PEX14: variants seen among roughly 807,000 people sequenced by gnomAD.
PEX14 encodes peroxisomal membrane protein PEX14.
A neutral mutation model predicts 49.5 loss-of-function variants in PEX14; 15 were observed. The observed-to-expected ratio is 0.30, with a 90% CI of 0.20 to 0.47. The LOEUF is 0.47. PEX14 is among the 20% of genes least tolerant of loss of function. The pLI is 1.00. For synonymous variants in PEX14, 210 were observed against 212.7 expected, an observed-to-expected ratio of 0.99 and a Z score of 0.11; for missense variants, 398 against 494.8, an observed-to-expected ratio of 0.80 and a Z score of 1.86.
chr1:10,571,152 C>T (rs984636627), intron 3 of PEX14, among the ~76,000 whole-genome samples: 24 of 151,554 alleles, frequency 1.6e-4, no homozygotes, highest in East Asian at 9.7e-4. Context: ...CCACTGTGCC[C>T]GGCCTTCAAC....
chr1:10,545,981 C>T (rs2124501054), intron 3 of PEX14, among the ~76,000 whole-genome samples: 1 of 152,052 alleles, frequency 6.6e-6, no homozygotes, highest in Admixed American at 6.5e-5. Context: ...GGAGTTTGAG[C>T]TTACAGGGAG....
In PEX14 at chr1:10,494,063, G is replaced by A. The variant is rs1641515877; in HGVS notation, c.37-1211G>A. Among the ~76,000 whole-genome samples, 2 of 152,154 alleles carry A rather than the reference G, an allele frequency of 1.3e-5. No homozygotes were observed. Among genetic ancestry groups the A allele is most frequent in the Non-Finnish European group, 2.9e-5 (2 of 68,018 alleles). ...GAAGCTTGCTCACATTCCCTGAGAC[G>A]GACCCTCACTTTCTAGATCGTTTCC... On this transcript the variant is annotated intron_variant, in intron 1 of 8. Coordinates refer to ENST00000356607, the MANE Select transcript of PEX14 (RefSeq NM_004565.3). This position sits in a 1 kb window ranked among gnomAD's most constrained non-coding sequence, Gnocchi z 4.3.
At chr1:10,569,365 G>A (rs577981981) in intron 3 of PEX14, among the ~76,000 whole-genome samples, 11 of 152,190 alleles carry the variant, frequency 7.2e-5, no homozygotes, top group Non-Finnish European at 1.0e-4. Context: ...AGCTCAAGCT[G>A]TAAAATTCCC....
intron 1 of PEX14, among the ~76,000 whole-genome samples, chr1:10,489,409 T>A (rs569573302): frequency 3.3e-5 from 5 of 152,232 alleles, no homozygotes; most frequent in Non-Finnish European, 5.9e-5. Context: ...TTTACTGTTA[T>A]CATTTTGAGT....
At chr1:10,565,119 G>C (rs1240851620) in intron 3 of PEX14, among the ~76,000 whole-genome samples, 2 of 152,120 alleles carry the variant, frequency 1.3e-5, no homozygotes, top group Non-Finnish European at 2.9e-5. Context: ...GGCCAGGCTG[G>C]TCTCGAACTC....
chr1:10,587,259 C>T (rs1042475611), intron 3 of PEX14, among the ~76,000 whole-genome samples: 6 of 151,962 alleles, frequency 3.9e-5, no homozygotes, highest in Non-Finnish European at 5.9e-5. Flanking sequence ...GAGTTTGAGA[C>T]CAGCCTGGCC....
At chr1:10,537,341 A>ACCAC (rs796854134) in intron 3 of PEX14, among the ~76,000 whole-genome samples, 473 of 28,434 alleles carry the variant, frequency 0.017, 87 homozygotes, top group African/African-American at 0.063. Context: ...TTGTGCCAGC[A>ACCAC]CCCCCCCCCC....
chr1:10,580,409 G>C (rs544137929), intron 3 of PEX14, among the ~76,000 whole-genome samples: 1 of 152,140 alleles, frequency 6.6e-6, no homozygotes, highest in South Asian at 2.1e-4. Context: ...ATTTTTAGTA[G>C]AGACAGAGTT....
At chr1:10,602,528 T>C (rs1287982099) in intron 4 of PEX14, among the ~76,000 whole-genome samples, 1 of 152,172 alleles carries the variant, frequency 6.6e-6, no homozygotes, top group Admixed American at 6.5e-5. Context: ...CGGTAATTTA[T>C]TACATAAAAT....
At chr1:10,580,906 C>T (rs1314743659) in intron 3 of PEX14, among the ~76,000 whole-genome samples, 1 of 151,926 alleles carries the variant, frequency 6.6e-6, no homozygotes, top group Non-Finnish European at 1.5e-5. Flanking sequence ...AACTTTATTC[C>T]CATTTTACAG....
At chr1:10,599,438 G>T (rs745692439) in intron 4 of PEX14, 72 bp downstream of exon 4, 60 of 1,554,554 alleles carry the variant, frequency 3.9e-5, no homozygotes, top group Non-Finnish European at 5.0e-5. Context: ...GCAGTGTTCT[G>T]TATCTCCCAG....
intron 3 of PEX14, among the ~76,000 whole-genome samples, chr1:10,552,061 C>G (rs1639349091): frequency 6.6e-6 from 1 of 151,890 alleles, no homozygotes; most frequent in African/African-American, 2.4e-5. Flanking sequence ...CTGCTGCACT[C>G]CAGCCTGGGC....
chr1:10,555,446 G>A (rs1484439318), intron 3 of PEX14, among the ~76,000 whole-genome samples: 1 of 152,018 alleles, frequency 6.6e-6, no homozygotes, highest in Non-Finnish European at 1.5e-5. Context: ...AGGGAAAAAC[G>A]AATGTTTGAG....
At chr1:10,627,847 G>A (rs779128778) in intron 8 of PEX14, among the ~76,000 whole-genome samples, 7 of 152,270 alleles carry the variant, frequency 4.6e-5, no homozygotes, top group Non-Finnish European at 7.3e-5. Context: ...TCCCTCTGTA[G>A]CGACAGCACA....
intron 1 of PEX14, among the ~76,000 whole-genome samples, chr1:10,480,831 C>T (rs1641269551): frequency 1.4e-5 from 2 of 147,318 alleles, no homozygotes; most frequent in East Asian, 3.9e-4. Flanking sequence ...ATGTCAGTCT[C>T]TCTCTCTCTT....
At position 10,622,648 on chromosome 1, in the gene PEX14, T is replaced by C. The variant is rs1641628922; in HGVS notation, c.385-371T>C. Among the ~76,000 whole-genome samples, 4 of 152,204 alleles carry C rather than the reference T, an allele frequency of 2.6e-5. No individual in the cohort carries two copies. In the South Asian group the frequency reaches 8.3e-4, roughly 32 times the overall value. Reference sequence around the variant, plus strand: ...TCCTGGAGGCTCCAGCATTATCTGTTGCTTGTGTGTCCATCCACATTTATA... The same window carrying C: ...TCCTGGAGGCTCCAGCATTATCTGTCGCTTGTGTGTCCATCCACATTTATA... On this transcript the variant is annotated intron_variant, in intron 5 of 8. Coordinates refer to ENST00000356607, the MANE Select transcript of PEX14 (RefSeq NM_004565.3).
chr1:10,551,691 T>C (rs142270013), intron 3 of PEX14, among the ~76,000 whole-genome samples: 218 of 152,340 alleles, frequency 1.4e-3, no homozygotes, highest in African/African-American at 5.0e-3. Context: ...AATGATGCAT[T>C]GTAGAAGTTT....
At chr1:10,569,441 C>T (rs1570281418) in intron 3 of PEX14, among the ~76,000 whole-genome samples, 2 of 152,272 alleles carry the variant, frequency 1.3e-5, no homozygotes, top group East Asian at 3.9e-4. Context: ...AGCCCTCTGC[C>T]CGCCCTCCCA....
At chr1:10,479,911 T>A (rs1252113301) in intron 1 of PEX14, among the ~76,000 whole-genome samples, 1 of 152,184 alleles carries the variant, frequency 6.6e-6, no homozygotes, top group Admixed American at 6.6e-5. Context: ...GCTGGAGGAT[T>A]GCTTGAGCCC....
Sources: allele counts gnomAD v4.1 joint callset (sites outside exome capture counted in the v4.1 genomes callset), GRCh38; gene constraint gnomAD v4.1.1; non-coding constraint Gnocchi (gnomAD v3.1); transcripts MANE v1.5; gene names NCBI Gene and HGNC (gene_info 2026-07-23, HGNC 2026-07-21).